SPNS2: variants seen among roughly 807,000 people sequenced by gnomAD.
The protein encoded by SPNS2 is SPNS lysolipid transporter 2, sphingosine-1-phosphate.
A neutral mutation model predicts 57.6 loss-of-function variants in SPNS2; 37 were observed. That is an observed-to-expected ratio of 0.64 (90% CI 0.49 to 0.85). The LOEUF (loss-of-function observed/expected upper bound fraction) is 0.85. SPNS2 is among the 40% of genes least tolerant of loss of function. The probability of loss-of-function intolerance (pLI) is 0.00; values close to 1 mark genes in which losing one functional copy is unlikely to be tolerated. For synonymous variants in SPNS2, 440 were observed against 346.9 expected, an observed-to-expected ratio of 1.27 and a Z score of -2.98; for missense variants, 831 against 779.1, an observed-to-expected ratio of 1.07 and a Z score of -0.79.
chr17:4,520,229 G>C (rs1236138568), intron 2 of SPNS2, among the ~76,000 whole-genome samples: 4 of 152,338 alleles, frequency 2.6e-5, no homozygotes, highest in Non-Finnish European at 5.9e-5. Flanking sequence ...GCTGGGGCCG[G>C]TGGGTGGGGA....
In SPNS2 at chr17:4,513,542, A is replaced by G. The variant is rs575150783; in HGVS notation, c.436+230A>G. On this transcript the variant is annotated intron_variant, in intron 2 of 12. Transcript: ENST00000329078. The stretch of plus-strand genomic sequence containing the variant: ...TGAATAATACCTGCCCTGAGGGGCT[A>G]TGGCAGGTAAAGGAGAGTGCAGGCA... Among the ~76,000 whole-genome samples the G allele has an allele frequency of 3.9e-5, 6 of 152,300 alleles. No homozygotes were observed. The East Asian group carries it at 7.7e-4, about 20-fold the overall frequency.
In SPNS2 at chr17:4,536,246, C is replaced by CCCCCAAAT; in HGVS notation, c.1444-14_1444-7dup. On this transcript the variant is annotated splice_polypyrimidine_tract_variant and intron_variant, in intron 10 of 12. Transcript: ENST00000329078. ...CAGGAGGGCTCTGCCCTGACATCCA[C>CCCCCAAAT]CCCCAAATCCTCGCAGATCTCAGAC... 1 of 1,610,420 alleles carries CCCCCAAAT rather than the reference C, an allele frequency of 6.2e-7. No homozygotes were observed. Among genetic ancestry groups the CCCCCAAAT allele is most frequent in the Non-Finnish European group, 8.5e-7 (1 of 1,178,954 alleles).
At position 4,536,439 on chromosome 17, in the gene SPNS2, G is replaced by GA. The variant is rs1555538181; in HGVS notation, c.1607+14dup. On this transcript the variant is annotated intron_variant, in intron 11 of 12. Transcript: ENST00000329078. ...GGGCTGAGCAGCAGTGAGTGGGGGG[G>GA]AGGGGAGGCCCTGCTGCACCGCCGG... The GA allele has an allele frequency of 3.5e-4, 548 of 1,583,042 alleles. 4 individuals carry two copies. The Admixed American group carries it at 7.3e-3, about 21-fold the overall frequency.
At position 4,510,249 on chromosome 17, in the gene SPNS2, T is replaced by C. The variant is rs756651457; in HGVS notation, c.371-2998T>C. Among the ~76,000 whole-genome samples, 2 of 152,208 alleles carry C rather than the reference T, an allele frequency of 1.3e-5. No homozygotes were observed. Among genetic ancestry groups the C allele is most frequent in the Non-Finnish European group, 2.9e-5 (2 of 68,032 alleles). On this transcript the variant is annotated intron_variant, in intron 1 of 12. Coordinates refer to ENST00000329078, the MANE Select transcript of SPNS2 (RefSeq NM_001124758.3). This position sits in a 1 kb window ranked among gnomAD's most constrained non-coding sequence, Gnocchi z 4.4. ...CCTGGGAAGGTTCTCTCTGGTCTTC[T>C]TCCTGGAGCTTGGACTTGGACCCAA...
At chr17:4,505,399 G>C (rs926135225) in intron 1 of SPNS2, among the ~76,000 whole-genome samples, 2 of 152,310 alleles carry the variant, frequency 1.3e-5, no homozygotes, top group East Asian at 3.9e-4. Context: ...ACAGTGGCTG[G>C]TGCTGTCTCT....
chr17:4,538,000 A>C lies in SPNS2; in HGVS notation c.*552A>C, dbSNP rs116662352. The C allele has an allele frequency of 1.2e-3, 411 of 352,290 alleles. 2 individuals are homozygous for C. Among genetic ancestry groups the C allele is most frequent in the African/African-American group, 7.8e-3 (366 of 46,762 alleles). 21.8% of individuals were successfully genotyped at this position (352,290 alleles called of 1,614,324 possible). On this transcript the variant is annotated 3_prime_UTR_variant, in exon 13 of 13. Transcript: ENST00000329078. ...CTCAGCTGGGCCTCGGACCTTGGGG[A>C]TATTGGACGCAACCTGGCAAATGAA...
rs548009970 is a variant in SPNS2, at chr17:4,505,918, G to A, written c.370+6501G>A. ...GTCTTCGTGATTCCTTCCCTGTCAGGCATGGGGTTCCTGAATGGGCTTCCA... is the reference window on the plus strand; with the variant it reads ...GTCTTCGTGATTCCTTCCCTGTCAGACATGGGGTTCCTGAATGGGCTTCCA... On this transcript the variant is annotated intron_variant, in intron 1 of 12. Transcript: ENST00000329078. 7.2e-5 allele frequency among the ~76,000 whole-genome samples: 11 copies of A among 152,354 alleles called. No individual in the cohort carries two copies. In the East Asian group the frequency reaches 1.5e-3, roughly 21 times the overall value.
chr17:4,504,696 A>C (rs1490553578), intron 1 of SPNS2, among the ~76,000 whole-genome samples: 2 of 152,178 alleles, frequency 1.3e-5, no homozygotes, highest in East Asian at 3.9e-4. Context: ...GAGGGAGTCC[A>C]GGAGAACACT....
Position 4,533,018 on chromosome 17 carries a change from C to G in SPNS2, c.977C>G (p.Ser326Cys). 6.2e-7 allele frequency: 1 copy of G among 1,613,394 alleles called. No homozygotes were observed. Among genetic ancestry groups the G allele is most frequent in the Non-Finnish European group, 8.5e-7 (1 of 1,179,954 alleles). ...TCCTCCCTGGCCACGTCGGCTGTCT[C>G]CTTCGCCACGGGGGCCCTGGGCATG... ...VFSSLATSAV[S>C]FATGALGMWI... is the part of the protein sequence containing the mutation. The change falls in exon 7 of 13, where the codon TCC becomes TGC. Residue 326 changes from serine to cysteine, a missense_variant. Physicochemically the swap from Ser to Cys is moderately radical, Grantham distance 112. Coordinates refer to ENST00000329078, the MANE Select transcript of SPNS2 (RefSeq NM_001124758.3).
Position 4,533,448 on chromosome 17 carries a change from G to A in SPNS2, c.1278+16G>A, listed in dbSNP as rs1267438114. On this transcript the variant is annotated intron_variant, in intron 8 of 12. Transcript: ENST00000329078. ...AGGAGCCTATGTGAGTGCAGCGGGGGTCAAGGGTGCTGGGGGAGCTGGGCC... is the reference window on the plus strand; with the variant it reads ...AGGAGCCTATGTGAGTGCAGCGGGGATCAAGGGTGCTGGGGGAGCTGGGCC... The A allele has an allele frequency of 2.5e-6, 4 of 1,579,382 alleles. No homozygotes were observed. The highest frequency in any genetic ancestry group is 1.1e-5 in the South Asian group (1 of 87,756).
rs1418209522 is a variant in SPNS2 at position 4,531,012 on chromosome 17, C to A, written c.726-41C>A. ...CCAGCGGGCACTCCCTGTCCCCAGC[C>A]CCTGTCTCTGCTCAGCCTGACGTGT... On this transcript the variant is annotated intron_variant, in intron 4 of 12. Transcript: ENST00000329078. The A allele has an allele frequency of 7.5e-6, 12 of 1,609,388 alleles. No homozygotes were observed. The East Asian group carries it at 2.7e-4, about 36-fold the overall frequency.
In SPNS2 at chr17:4,537,947, G is replaced by T. The variant is rs912360059; in HGVS notation, c.*499G>T. 2 of 379,514 alleles carry T rather than the reference G, an allele frequency of 5.3e-6. No individual in the cohort carries two copies. Among genetic ancestry groups the T allele is most frequent in the African/African-American group, 2.1e-5 (1 of 47,720 alleles). The allele number at this position is 379,514 out of a possible 1,614,324, so 23.5% of individuals were successfully genotyped here. On this transcript the variant is annotated 3_prime_UTR_variant, in exon 13 of 13. Coordinates refer to ENST00000329078, the MANE Select transcript of SPNS2 (RefSeq NM_001124758.3). ...CGGCAGTCCCGGCTTTGAGGCTCAC[G>T]CGAGGGCCTGGTATGCAGGGACCAC...
intron 2 of SPNS2, among the ~76,000 whole-genome samples, chr17:4,523,686 G>A (rs1326826280): frequency 2.6e-5 from 4 of 152,154 alleles, no homozygotes; most frequent in Non-Finnish European, 4.4e-5. Context: ...AGGTTGCAGT[G>A]AGCGGAGATT....
chr17:4,536,988 A>AG (rs1273327101), intron 12 of SPNS2, 42 bp downstream of exon 12: 6 of 1,607,506 alleles, frequency 3.7e-6, no homozygotes, highest in Non-Finnish European at 5.1e-6. Flanking sequence ...CCCTAAGGAA[A>AG]GGGGAAGGCC....
chr17:4,522,495 G>T (rs187908376), intron 2 of SPNS2, among the ~76,000 whole-genome samples: 2 of 152,324 alleles, frequency 1.3e-5, no homozygotes, highest in East Asian at 3.9e-4. Context: ...TAAAAGAGGG[G>T]CAGTCACTCC....
chr17:4,531,128 T>C lies in SPNS2; in HGVS notation c.792+9T>C. 6.2e-7 allele frequency: 1 copy of C among 1,613,732 alleles called. No homozygotes were observed. The highest frequency in any genetic ancestry group is 8.5e-7 in the Non-Finnish European group (1 of 1,179,824). On this transcript the variant is annotated intron_variant, in intron 5 of 12. Coordinates refer to ENST00000329078, the MANE Select transcript of SPNS2 (RefSeq NM_001124758.3). ...GGCACTGGGCATTGCGGGTAAGCCC[T>C]ACGTCCCTTCCCATGAGGACACCCT...
Position 4,520,521 on chromosome 17 carries a change from C to G in SPNS2, c.437-4536C>G, listed in dbSNP as rs576368774. On this transcript the variant is annotated intron_variant, in intron 2 of 12. Transcript: ENST00000329078. ...GGTGGAGAGAGCGCGCTGTGGTTCT[C>G]TGCCGCCTTCTAAACACCAAACCCT... Among the ~76,000 whole-genome samples, 5 of 152,248 alleles carry G rather than the reference C, an allele frequency of 3.3e-5. No homozygotes were observed. In the South Asian group the frequency reaches 1.0e-3, roughly 32 times the overall value.
At chr17:4,530,375 C>A (rs1371459093) in intron 3 of SPNS2, among the ~76,000 whole-genome samples, 1 of 152,190 alleles carries the variant, frequency 6.6e-6, no homozygotes, top group African/African-American at 2.4e-5. Context: ...GGCCATACCA[C>A]TCTCAAGCTG....
chr17:4,499,255 G>A lies in SPNS2; in HGVS notation c.208G>A (p.Gly70Arg), dbSNP rs1254040565. The change falls in exon 1 of 13, where the codon GGA (glycine) becomes AGA (arginine). Residue 70 changes from glycine (G) to arginine (R), a missense_variant. By Grantham distance (125) the Gly-to-Arg change is moderately radical (BLOSUM62 -2). Transcript: ENST00000329078. This position sits in a 1 kb window ranked among gnomAD's most constrained non-coding sequence, Gnocchi z 5.2. ...LSGSVRRAPT[G>R]PPGTPGTPGC... ...GGGCAGCGTAAGGCGGGCCCCGACCGGACCCCCCGGCACCCCCGGCACCCC... is the reference window on the plus strand; with the variant it reads ...GGGCAGCGTAAGGCGGGCCCCGACCAGACCCCCCGGCACCCCCGGCACCCC... 6.8e-7 allele frequency: 1 copy of A among 1,471,318 alleles called. No individual in the cohort carries two copies. The highest frequency in any genetic ancestry group is 8.9e-7 in the Non-Finnish European group (1 of 1,118,396). 91.1% of individuals were successfully genotyped at this position (1,471,318 alleles called of 1,614,324 possible).
Sources: allele counts gnomAD v4.1 joint callset (sites outside exome capture counted in the v4.1 genomes callset), GRCh38; gene constraint gnomAD v4.1.1; non-coding constraint Gnocchi (gnomAD v3.1); transcripts MANE v1.5; gene names NCBI Gene and HGNC (gene_info 2026-07-23, HGNC 2026-07-21).